Variants in CHN1 observed in about 807,000 individuals in gnomAD.
The protein encoded by CHN1 is chimerin 1, also known as N-chimaerin.
A neutral mutation model predicts 59.5 loss-of-function variants in CHN1; 37 were observed. That is an observed-to-expected ratio of 0.62 (90% CI 0.48 to 0.82). The LOEUF (loss-of-function observed/expected upper bound fraction) is 0.82, where lower values mean the gene tolerates loss of function less well. Ranked by LOEUF, CHN1 falls within the 40% of genes least tolerant of loss-of-function variation. The pLI is 0.00. For synonymous variants in CHN1, 206 were observed against 200.4 expected (o/e 1.03, Z -0.24); for missense variants, 469 against 571.0 (o/e 0.82, Z 1.82).
chr2:174,877,803 A>T (rs1200776147), intron 6 of CHN1, 37 bp downstream of exon 6: 3 of 1,574,826 alleles, frequency 1.9e-6, no homozygotes, highest in Non-Finnish European at 2.6e-6. Context: ...AGAACCCCAA[A>T]CAGAAAAAGA....
At chr2:174,936,241 TG>T (rs1411495174) in intron 3 of CHN1, among the ~76,000 whole-genome samples, 2 of 152,148 alleles carry the variant, frequency 1.3e-5, no homozygotes, top group African/African-American at 2.4e-5. Flanking sequence ...AATAGAAATT[TG>T]GCTTTATATG....
At position 174,972,399 on chromosome 2, in the gene CHN1, G is replaced by A. The variant is rs1307850687; in HGVS notation, c.20-20197C>T. Reference sequence around the variant, plus strand: ...AAGGAGTCCTGTAAGGTCAAGAACAGTAATCCCTAACCCAATTTCAAATTC... The same window carrying A: ...AAGGAGTCCTGTAAGGTCAAGAACAATAATCCCTAACCCAATTTCAAATTC... On this transcript the variant is annotated intron_variant, in intron 1 of 12. Transcript: ENST00000409900. Among the ~76,000 whole-genome samples the A allele has an allele frequency of 2.6e-5, 4 of 152,178 alleles. No individual in the cohort carries two copies. The East Asian group carries it at 7.7e-4, about 29-fold the overall frequency.
intron 1 of CHN1, among the ~76,000 whole-genome samples, chr2:174,967,321 A>G (rs1397776870): frequency 6.6e-6 from 1 of 152,136 alleles, no homozygotes; most frequent in Admixed American, 6.5e-5. Flanking sequence ...ACATCATTGC[A>G]CTCTAGCCTG....
At chr2:175,003,478 A>G (rs1213897719) in intron 1 of CHN1, among the ~76,000 whole-genome samples, 1 of 152,172 alleles carries the variant, frequency 6.6e-6, no homozygotes. Flanking sequence ...GAATGCGAGT[A>G]TTTGAAAAGT....
At chr2:174,840,606 G>A (rs1686266294) in intron 7 of CHN1, among the ~76,000 whole-genome samples, 1 of 152,118 alleles carries the variant, frequency 6.6e-6, no homozygotes, top group Non-Finnish European at 1.5e-5. Flanking sequence ...AGAGTGGTCT[G>A]CACACAACAG....
At chr2:174,938,553 G>A (rs369314336) in intron 3 of CHN1, among the ~76,000 whole-genome samples, 35 of 152,014 alleles carry the variant, frequency 2.3e-4, no homozygotes, top group African/African-American at 6.0e-4. Context: ...TTATCACCTG[G>A]GAAAAACAGA....
At position 175,005,288 on chromosome 2, in the gene CHN1, G is replaced by A. The variant is rs1692032905; in HGVS notation, c.-376C>T. On this transcript the variant is annotated 5_prime_UTR_variant, in exon 1 of 13. Transcript: ENST00000409900. ...TGGCGGCGGCGGCGGCGGCGACGGG[G>A]AGAGCAGCAGCAGCCTCGCACAGCC... 1.7e-6 allele frequency: 2 copies of A among 1,188,132 alleles called. No individual in the cohort carries two copies. Among genetic ancestry groups the A allele is most frequent in the Non-Finnish European group, 1.1e-6 (1 of 947,788 alleles). The allele number at this position is 1,188,132 out of a possible 1,614,324, so 73.6% of individuals were successfully genotyped here.
intron 6 of CHN1, among the ~76,000 whole-genome samples, chr2:174,862,415 C>T (rs1396211875): frequency 6.6e-6 from 1 of 151,992 alleles, no homozygotes; most frequent in African/African-American, 2.4e-5. Flanking sequence ...TCACTGCAAC[C>T]TCCGCCTCCC....
intron 5 of CHN1, among the ~76,000 whole-genome samples, chr2:174,911,413 G>A (rs1206025587): frequency 6.6e-6 from 1 of 152,102 alleles, no homozygotes; most frequent in Non-Finnish European, 1.5e-5. Flanking sequence ...CAAGTGCCTG[G>A]CTAGCATCTT....
At chr2:174,962,439 T>C (rs976929275) in intron 1 of CHN1, among the ~76,000 whole-genome samples, 1 of 152,120 alleles carries the variant, frequency 6.6e-6, no homozygotes, top group Non-Finnish European at 1.5e-5. Flanking sequence ...ATGTTTGTGA[T>C]TGCCTTCAGC....
At chr2:174,924,450 TTTCAC>T (rs1294738767) in intron 3 of CHN1, among the ~76,000 whole-genome samples, 2 of 152,210 alleles carry the variant, frequency 1.3e-5, no homozygotes, top group African/African-American at 4.8e-5. Context: ...TCCTTGGTGT[TTTCAC>T]TTCTTTTCTG....
intron 8 of CHN1, among the ~76,000 whole-genome samples, chr2:174,817,349 A>G (rs1685305535): frequency 6.6e-6 from 1 of 152,214 alleles, no homozygotes. Flanking sequence ...CCTATGTATA[A>G]AAATCCAGTA....
chr2:174,814,739 A>G (rs1369301743), intron 8 of CHN1, among the ~76,000 whole-genome samples: 2 of 152,182 alleles, frequency 1.3e-5, no homozygotes, highest in African/African-American at 2.4e-5. Context: ...AAGGTTGTCA[A>G]TCAGCTTAAG....
intron 7 of CHN1, among the ~76,000 whole-genome samples, chr2:174,826,561 G>A (rs565813401): frequency 2.6e-5 from 4 of 152,268 alleles, no homozygotes; most frequent in South Asian, 4.2e-4. Context: ...ATTTTGTGCC[G>A]ATCAGTTATC....
chr2:174,853,992 G>A (rs761917260), intron 6 of CHN1, among the ~76,000 whole-genome samples: 8 of 152,134 alleles, frequency 5.3e-5, no homozygotes, highest in Middle Eastern at 3.4e-3. Flanking sequence ...TACTATGTTC[G>A]CTACCTGAGT....
At chr2:174,900,458 C>T (rs1688350912) in intron 5 of CHN1, among the ~76,000 whole-genome samples, 1 of 152,032 alleles carries the variant, frequency 6.6e-6, no homozygotes, top group African/African-American at 2.4e-5. Context: ...GAGCTATGAT[C>T]ATACTCCAGG....
At chr2:174,852,475 G>C (rs1686766406) in intron 6 of CHN1, among the ~76,000 whole-genome samples, 1 of 152,090 alleles carries the variant, frequency 6.6e-6, no homozygotes, top group African/African-American at 2.4e-5. Flanking sequence ...TAGATTGGAA[G>C]AATCAATTCA....
chr2:174,865,158 G>A (rs980985374), intron 6 of CHN1, among the ~76,000 whole-genome samples: 6 of 152,046 alleles, frequency 3.9e-5, no homozygotes, highest in African/African-American at 7.2e-5. Context: ...TGGAATCTTC[G>A]TTCCTTCAGC....
intron 7 of CHN1, among the ~76,000 whole-genome samples, chr2:174,838,812 C>T (rs1021271239): frequency 5.3e-5 from 8 of 151,882 alleles, no homozygotes; most frequent in African/African-American, 1.9e-4. Context: ...GTCAGGAGTT[C>T]AAGACCAGCC....
Sources: allele counts gnomAD v4.1 joint callset (sites outside exome capture counted in the v4.1 genomes callset), GRCh38; gene constraint gnomAD v4.1.1; transcripts MANE v1.5; gene names NCBI Gene and HGNC (gene_info 2026-07-23, HGNC 2026-07-21).